Variants in KCNIP4 observed in about 807,000 individuals in gnomAD.
The protein encoded by KCNIP4 is Kv channel-interacting protein 4.
Under a neutral mutation model 34.0 loss-of-function variants are expected in KCNIP4, and 12 were observed. The ratio of observed to expected loss-of-function variants is 0.35; its 90% CI spans 0.23 to 0.57. The LOEUF is 0.57. KCNIP4 is among the 20% of genes least tolerant of loss of function. The probability of loss-of-function intolerance (pLI) is 0.83; values close to 1 mark genes in which losing one functional copy is unlikely to be tolerated. For synonymous variants in KCNIP4, 124 were observed against 102.2 expected (o/e 1.21, Z -1.29); for missense variants, 238 against 311.7 (o/e 0.76, Z 1.78).
chr4:21,637,846 A>C (rs1256397948), intron 1 of KCNIP4, among the ~76,000 whole-genome samples: 4 of 152,064 alleles, frequency 2.6e-5, no homozygotes, highest in South Asian at 4.2e-4. Context: ...GAGCTTGCCT[A>C]ATCACACAAA....
intron 1 of KCNIP4, among the ~76,000 whole-genome samples, chr4:21,234,160 GTATATTATA>G (rs1759079453): frequency 2.5e-5 from 1 of 39,632 alleles, no homozygotes; most frequent in East Asian, 4.6e-4. Context: ...CATATATAAC[GTATATTATA>G]TATAACATAT....
At chr4:21,014,937 A>T (rs1739369886) in intron 1 of KCNIP4, among the ~76,000 whole-genome samples, 1 of 152,198 alleles carries the variant, frequency 6.6e-6, no homozygotes, top group African/African-American at 2.4e-5. Flanking sequence ...TAGCCTTAAA[A>T]AGGAATGAAA....
At chr4:20,942,113 G>A (rs1731699570) in intron 1 of KCNIP4, among the ~76,000 whole-genome samples, 1 of 152,166 alleles carries the variant, frequency 6.6e-6, no homozygotes, top group South Asian at 2.1e-4. Context: ...AGACCGTTTA[G>A]AGATTGTTAT....
At chr4:21,288,747 T>G (rs143758471) in intron 1 of KCNIP4, among the ~76,000 whole-genome samples, 1 of 152,176 alleles carries the variant, frequency 6.6e-6, no homozygotes, top group Non-Finnish European at 1.5e-5. Flanking sequence ...TGATACAAAG[T>G]TGAGTAAGTA....
chr4:21,579,249 C>T (rs1437851752), intron 1 of KCNIP4, among the ~76,000 whole-genome samples: 1 of 152,108 alleles, frequency 6.6e-6, no homozygotes, highest in Non-Finnish European at 1.5e-5. Context: ...CAGAAAAACA[C>T]ACTTAAAGCC....
At chr4:21,411,522 G>A (rs1001941070) in intron 1 of KCNIP4, among the ~76,000 whole-genome samples, 5 of 152,114 alleles carry the variant, frequency 3.3e-5, no homozygotes, top group African/African-American at 9.7e-5. Flanking sequence ...TGTTAATAAG[G>A]AGTCAGAGTT....
intron 1 of KCNIP4, among the ~76,000 whole-genome samples, chr4:21,230,348 A>C (rs1343513602): frequency 6.6e-6 from 1 of 152,072 alleles, no homozygotes; most frequent in South Asian, 2.1e-4. Context: ...TATTATTTTT[A>C]AATTTAATTT....
chr4:21,440,272 C>A (rs1032733197), intron 1 of KCNIP4, among the ~76,000 whole-genome samples: 1 of 152,288 alleles, frequency 6.6e-6, no homozygotes, highest in African/African-American at 2.4e-5. Context: ...TGAGTAGAAC[C>A]TTTACATGTG....
At chr4:21,946,922 GATTATGGC>G (rs1730541934) in intron 1 of KCNIP4, among the ~76,000 whole-genome samples, 1 of 152,112 alleles carries the variant, frequency 6.6e-6, no homozygotes, top group Non-Finnish European at 1.5e-5. Context: ...CATTTATAGT[GATTATGGC>G]CACCCATGAC....
intron 1 of KCNIP4, among the ~76,000 whole-genome samples, chr4:21,064,051 T>C (rs1744144635): frequency 6.6e-6 from 1 of 152,136 alleles, no homozygotes. Flanking sequence ...CTTAAACTGC[T>C]TAATTTTTCA....
chr4:20,837,277 A>C (rs1046867331), intron 3 of KCNIP4, among the ~76,000 whole-genome samples: 2 of 152,200 alleles, frequency 1.3e-5, no homozygotes, highest in Non-Finnish European at 2.9e-5. Context: ...ATTAGTCAAC[A>C]CAGATTTAAG....
intron 1 of KCNIP4, among the ~76,000 whole-genome samples, chr4:21,729,115 TGC>T (rs1715405589): frequency 1.3e-5 from 2 of 152,164 alleles, no homozygotes; most frequent in African/African-American, 4.8e-5. Context: ...TTGTGCTAAG[TGC>T]TTAAATCTGA....
chr4:21,854,359 A>C (rs990648469), intron 1 of KCNIP4, among the ~76,000 whole-genome samples: 6 of 152,220 alleles, frequency 3.9e-5, no homozygotes, highest in Admixed American at 6.5e-5. Flanking sequence ...CAACATATAC[A>C]ATTATGTTGA....
At chr4:21,926,977 C>A (rs1729282024) in intron 1 of KCNIP4, among the ~76,000 whole-genome samples, 1 of 152,138 alleles carries the variant, frequency 6.6e-6, no homozygotes, top group African/African-American at 2.4e-5. Flanking sequence ...AGAAGTCTGA[C>A]ACTGAACTAA....
chr4:21,900,059 A>ACAT (rs1443478451), intron 1 of KCNIP4, among the ~76,000 whole-genome samples: 1 of 152,194 alleles, frequency 6.6e-6, no homozygotes, highest in African/African-American at 2.4e-5. Context: ...ACTAGCAGAC[A>ACAT]CATAGACCTA....
chr4:21,185,380 G>A (rs1189020818), intron 1 of KCNIP4, among the ~76,000 whole-genome samples: 1 of 151,188 alleles, frequency 6.6e-6, no homozygotes, highest in African/African-American at 2.4e-5. Context: ...CTCCTTTTCT[G>A]CTCATTCTCC....
At chr4:21,250,812 T>A (rs1350341935) in intron 1 of KCNIP4, among the ~76,000 whole-genome samples, 5 of 151,830 alleles carry the variant, frequency 3.3e-5, no homozygotes, top group Middle Eastern at 3.5e-3. Flanking sequence ...TATTTTCTTT[T>A]TAAATCTTCT....
At chr4:21,133,174 G>A (rs1161298375) in intron 1 of KCNIP4, among the ~76,000 whole-genome samples, 2 of 152,180 alleles carry the variant, frequency 1.3e-5, no homozygotes, top group African/African-American at 4.8e-5. Context: ...ACGTCATTAA[G>A]ACATTCCTGT....
intron 4 of KCNIP4, among the ~76,000 whole-genome samples, chr4:20,750,927 A>G (rs1753499074): frequency 6.6e-6 from 1 of 151,916 alleles, no homozygotes; most frequent in Non-Finnish European, 1.5e-5. Context: ...TTACTTTATG[A>G]ATTGCTTTTT....
Sources: gnomAD v4.1 joint callset for allele counts (sites outside exome capture counted in the v4.1 genomes callset) on GRCh38, gnomAD v4.1.1 for gene constraint, MANE v1.5 for transcripts, NCBI Gene and HGNC (gene_info 2026-07-23, HGNC 2026-07-21) for gene names.